PIGL: variants seen among roughly 807,000 people sequenced by gnomAD.
PIGL encodes phosphatidylinositol glycan anchor biosynthesis class L.
Under a neutral mutation model 31.1 loss-of-function variants are expected in PIGL, and 22 were observed. The ratio of observed to expected loss-of-function variants is 0.71; its 90% CI spans 0.51 to 1.01. PIGL has a LOEUF of 1.01. Among genes scored for constraint, PIGL ranks in the 50% least tolerant of loss-of-function variants. PIGL has a pLI of 0.00. For missense variants in PIGL, 302 were observed against 315.9 expected, an observed-to-expected ratio of 0.96 and a Z score of 0.33; for synonymous variants, 131 against 117.4, an observed-to-expected ratio of 1.12 and a Z score of -0.75.
chr17:16,307,814 T>G (rs1439512745), intron 3 of PIGL, among the ~76,000 whole-genome samples: 12 of 151,020 alleles, frequency 7.9e-5, no homozygotes, highest in Admixed American at 7.9e-4. Context: ...AGAAAGAAAT[T>G]TTTTTAAGTA....
intron 2 of PIGL, among the ~76,000 whole-genome samples, chr17:16,241,567 TA>T (rs1363927885): frequency 7.1e-4 from 102 of 142,702 alleles, no homozygotes; most frequent in Middle Eastern, 7.3e-3. Flanking sequence ...AACTCTGTCT[TA>T]AAAAAAAAAA....
intron 2 of PIGL, among the ~76,000 whole-genome samples, chr17:16,236,181 G>A (rs901899297): frequency 2.6e-5 from 4 of 152,120 alleles, no homozygotes; most frequent in African/African-American, 9.7e-5. Context: ...ACATTTTTCA[G>A]AATAAAGAGT....
intron 2 of PIGL, among the ~76,000 whole-genome samples, chr17:16,298,218 T>G (rs538213275): frequency 6.6e-6 from 1 of 152,200 alleles, no homozygotes; most frequent in South Asian, 2.1e-4. Context: ...GTTTTTGTGC[T>G]GAAAAACCTC....
At position 16,295,411 on chromosome 17, in the gene PIGL, A is replaced by T. The variant is rs529490676; in HGVS notation, c.336-4477A>T. On this transcript the variant is annotated intron_variant, in intron 2 of 6. Transcript: ENST00000225609. ...GAGCAAGACTCCGTCTCAAAAAAAA[A>T]AAAAAAAGTATATATATATATGTAT... Among the ~76,000 whole-genome samples, 31 of 151,810 alleles carry T rather than the reference A, an allele frequency of 2.0e-4. No homozygotes were observed. The South Asian group carries it at 6.4e-3, about 31-fold the overall frequency.
rs888196872 is a variant in PIGL, at chr17:16,319,644, A to G, written c.660+1736A>G. 7.9e-5 allele frequency among the ~76,000 whole-genome samples: 12 copies of G among 151,842 alleles called. No homozygotes were observed. The East Asian group carries it at 2.3e-3, about 30-fold the overall frequency. ...GTGGTGGGCACCTGTAGTCCCAGCTACTCGGGAGGCTGAGGCAGGAGAATT... is the reference window on the plus strand; with the variant it reads ...GTGGTGGGCACCTGTAGTCCCAGCTGCTCGGGAGGCTGAGGCAGGAGAATT... On this transcript the variant is annotated intron_variant, in intron 6 of 6. Transcript: ENST00000225609.
At chr17:16,304,261 G>A (rs1468124831) in intron 3 of PIGL, among the ~76,000 whole-genome samples, 3 of 152,212 alleles carry the variant, frequency 2.0e-5, no homozygotes, top group Non-Finnish European at 4.4e-5. Flanking sequence ...ACAGAGGTGT[G>A]GAGCACAGTC....
At chr17:16,321,506 C>T (rs1255883159) in intron 6 of PIGL, among the ~76,000 whole-genome samples, 1 of 152,140 alleles carries the variant, frequency 6.6e-6, no homozygotes, top group East Asian at 1.9e-4. Flanking sequence ...TTCCATAGTG[C>T]TGGGATCACA....
intron 2 of PIGL, among the ~76,000 whole-genome samples, chr17:16,295,507 C>T (rs1175396630): frequency 6.6e-6 from 1 of 151,220 alleles, no homozygotes; most frequent in Admixed American, 6.6e-5. Flanking sequence ...ATTAGCTGGG[C>T]TTGGTGGCTC....
At chr17:16,303,764 G>C (rs949458279) in intron 3 of PIGL, among the ~76,000 whole-genome samples, 1 of 150,168 alleles carries the variant, frequency 6.7e-6, no homozygotes, top group Non-Finnish European at 1.5e-5. Flanking sequence ...GCCCAGGCTG[G>C]AGTGCAGTGG....
intron 1 of PIGL, among the ~76,000 whole-genome samples, chr17:16,224,580 T>C (rs2092643701): frequency 6.6e-6 from 1 of 152,074 alleles, no homozygotes; most frequent in African/African-American, 2.4e-5. Context: ...AGTGCTGGGA[T>C]TACAGGATGA....
intron 2 of PIGL, chr17:16,281,885 T>C: frequency 3.2e-6 from 1 of 312,866 alleles, no homozygotes. Flanking sequence ...ACAGCTCCCA[T>C]CTGACATGAA....
At chr17:16,239,793 T>C (rs2092715157) in intron 2 of PIGL, among the ~76,000 whole-genome samples, 1 of 149,344 alleles carries the variant, frequency 6.7e-6, no homozygotes, top group Non-Finnish European at 1.5e-5. Context: ...ATTCAACTCT[T>C]TTTTTTTTTA....
intron 2 of PIGL, among the ~76,000 whole-genome samples, chr17:16,234,501 C>T (rs190881569): frequency 3.5e-3 from 533 of 152,218 alleles, no homozygotes; most frequent in Non-Finnish European, 6.2e-3. Context: ...CAGTGGCTTA[C>T]GCCTGTAATC....
chr17:16,278,673 C>G (rs1002435115), intron 2 of PIGL, among the ~76,000 whole-genome samples: 4 of 150,952 alleles, frequency 2.6e-5, no homozygotes, highest in South Asian at 4.2e-4. Context: ...CAACTTTTTC[C>G]TATCTAACCT....
At chr17:16,306,609 A>G (rs1021783910) in intron 3 of PIGL, among the ~76,000 whole-genome samples, 3 of 147,694 alleles carry the variant, frequency 2.0e-5, no homozygotes, top group Non-Finnish European at 3.0e-5. Flanking sequence ...GCTCAACTGC[A>G]ACCTCTGCCT....
chr17:16,255,275 G>T (rs2092789354), intron 2 of PIGL, among the ~76,000 whole-genome samples: 1 of 152,038 alleles, frequency 6.6e-6, no homozygotes, highest in African/African-American at 2.4e-5. Flanking sequence ...AGTTCTAAAT[G>T]AATACTTAGG....
chr17:16,283,987 TG>T (rs61586568), intron 2 of PIGL: 139,829 of 145,510 alleles, frequency 0.96, 67,223 homozygotes, highest in Non-Finnish European at 0.98. Context: ...TCTTTTTTTT[TG>T]TTTTGAGACG....
chr17:16,233,328 C>T (rs1316599293), intron 1 of PIGL, among the ~76,000 whole-genome samples: 2 of 151,930 alleles, frequency 1.3e-5, no homozygotes, highest in Non-Finnish European at 2.9e-5. Flanking sequence ...TTTTATTTAC[C>T]AGAACTATTT....
At chr17:16,231,130 A>C (rs1354125044) in intron 1 of PIGL, among the ~76,000 whole-genome samples, 2 of 130,530 alleles carry the variant, frequency 1.5e-5, no homozygotes, top group Non-Finnish European at 3.1e-5. Context: ...CCTGGTCTTG[A>C]ATTCCTGGCC....
Sources: gnomAD v4.1 joint callset for allele counts (sites outside exome capture counted in the v4.1 genomes callset) on GRCh38, gnomAD v4.1.1 for gene constraint, MANE v1.5 for transcripts, NCBI Gene and HGNC (gene_info 2026-07-23, HGNC 2026-07-21) for gene names.